CDK14: variants seen among roughly 807,000 people sequenced by gnomAD.
CDK14 encodes the protein cyclin-dependent kinase 14.
CDK14 carries 34 observed loss-of-function variants against 60.7 expected under a neutral mutation model. That is an observed-to-expected ratio of 0.56 (90% CI 0.43 to 0.75). The LOEUF (loss-of-function observed/expected upper bound fraction) is 0.75, where lower values mean the gene tolerates loss of function less well. Ranked by LOEUF, CDK14 falls within the 30% of genes least tolerant of loss-of-function variation. The probability of loss-of-function intolerance (pLI) is 0.00; values close to 1 mark genes in which losing one functional copy is unlikely to be tolerated. For missense variants in CDK14, 482 were observed against 564.1 expected (o/e 0.85, Z 1.47); for synonymous variants, 197 against 203.7 (o/e 0.97, Z 0.28).
intron 14 of CDK14, among the ~76,000 whole-genome samples, chr7:91,142,601 T>C (rs1272070466): frequency 6.6e-6 from 1 of 152,252 alleles, no homozygotes; most frequent in Non-Finnish European, 1.5e-5. Flanking sequence ...ATTGAGCTGC[T>C]GTCTGAGAAC....
chr7:90,715,645 G>T (rs894757079), intron 2 of CDK14, among the ~76,000 whole-genome samples: 1 of 138,028 alleles, frequency 7.2e-6, no homozygotes, highest in Non-Finnish European at 1.5e-5. Flanking sequence ...GTTTTTATTT[G>T]CAGGAATAGA....
chr7:90,811,705 C>T (rs9655991), intron 5 of CDK14, among the ~76,000 whole-genome samples: 124,815 of 150,976 alleles, frequency 0.83, 51,840 homozygotes, highest in East Asian at 0.96. Context: ...AGAAAATTTT[C>T]GCAATCTACT....
intron 14 of CDK14, among the ~76,000 whole-genome samples, chr7:91,171,972 T>A (rs1186839722): frequency 6.6e-6 from 1 of 152,226 alleles, no homozygotes; most frequent in East Asian, 1.9e-4. Context: ...AAATGTGTAC[T>A]GTTATTTTCT....
intron 7 of CDK14, among the ~76,000 whole-genome samples, chr7:90,906,735 G>A (rs566699013): frequency 1.1e-4 from 17 of 152,060 alleles, no homozygotes; most frequent in African/African-American, 3.4e-4. Context: ...CATTACAATG[G>A]TAATGTATCC....
intron 2 of CDK14, among the ~76,000 whole-genome samples, chr7:90,712,279 C>G (rs971792763): frequency 6.6e-6 from 1 of 151,936 alleles, no homozygotes; most frequent in African/African-American, 2.4e-5. Flanking sequence ...CCCTACCCTG[C>G]TCTCATTAAA....
At chr7:91,117,456 C>G (rs994918693) in intron 13 of CDK14, among the ~76,000 whole-genome samples, 3 of 152,010 alleles carry the variant, frequency 2.0e-5, no homozygotes, top group Non-Finnish European at 4.4e-5. Flanking sequence ...TGTGCTTGCT[C>G]TCCCTCTAGA....
intron 12 of CDK14, among the ~76,000 whole-genome samples, chr7:91,101,310 C>G (rs1799141195): frequency 6.6e-6 from 1 of 151,992 alleles, no homozygotes; most frequent in Non-Finnish European, 1.5e-5. Context: ...TAAGCATGAC[C>G]CTTTGATCAT....
At chr7:91,172,768 T>C (rs963902691) in intron 14 of CDK14, among the ~76,000 whole-genome samples, 4 of 152,222 alleles carry the variant, frequency 2.6e-5, no homozygotes, top group Non-Finnish European at 5.9e-5. Flanking sequence ...CTTAGACTTA[T>C]TTCTCTAAGA....
intron 14 of CDK14, among the ~76,000 whole-genome samples, chr7:91,139,782 T>G (rs1220972876): frequency 1.0e-5 from 1 of 100,142 alleles, no homozygotes; most frequent in African/African-American, 3.5e-5. Context: ...TCTTTTTTTC[T>G]TTCCTTTCTT....
intron 10 of CDK14, among the ~76,000 whole-genome samples, chr7:90,992,428 GC>G (rs1795565818): frequency 6.6e-6 from 1 of 152,116 alleles, no homozygotes; most frequent in African/African-American, 2.4e-5. Context: ...CTTACTCTGG[GC>G]TAAATAATCT....
In CDK14 at chr7:90,879,803, C is replaced by T. The variant is rs538669559; in HGVS notation, c.639+16534C>T. On this transcript the variant is annotated intron_variant, in intron 6 of 14. Transcript: ENST00000380050. ...GTAAAAAAAAAAATTGACTAGAAGG[C>T]GGGCATTACCCACCGAGAGAAGGAA... Among the ~76,000 whole-genome samples the T allele has an allele frequency of 1.6e-3, 240 of 147,600 alleles. 3 individuals are homozygous for T. Among genetic ancestry groups the T allele is most frequent in the African/African-American group, 5.7e-3 (225 of 39,720 alleles).
At chr7:91,126,995 G>A (rs934729199) in intron 14 of CDK14, among the ~76,000 whole-genome samples, 7 of 152,082 alleles carry the variant, frequency 4.6e-5, no homozygotes, top group African/African-American at 7.2e-5. Flanking sequence ...AGCAGCATTC[G>A]AAATGGGAAA....
At chr7:90,889,442 G>T (rs1199133110) in intron 6 of CDK14, among the ~76,000 whole-genome samples, 1 of 152,182 alleles carries the variant, frequency 6.6e-6, no homozygotes, top group Non-Finnish European at 1.5e-5. Flanking sequence ...CCAGCCCCAG[G>T]CTGCCCGTAC....
chr7:90,905,801 A>T (rs964888759), intron 7 of CDK14, among the ~76,000 whole-genome samples: 1 of 152,162 alleles, frequency 6.6e-6, no homozygotes, highest in Non-Finnish European at 1.5e-5. Flanking sequence ...CATCATTTTC[A>T]TATTGAAGAT....
At chr7:91,157,990 A>G (rs149768818) in intron 14 of CDK14, among the ~76,000 whole-genome samples, 6 of 151,710 alleles carry the variant, frequency 4.0e-5, no homozygotes, top group East Asian at 3.9e-4. Context: ...TCTCAAAGCC[A>G]TGATGAGTTT....
At chr7:91,120,829 G>A (rs772288309) in intron 14 of CDK14, among the ~76,000 whole-genome samples, 3 of 152,048 alleles carry the variant, frequency 2.0e-5, no homozygotes, top group African/African-American at 7.2e-5. Flanking sequence ...GAGTCACCGC[G>A]CCTGGCCCAA....
intron 11 of CDK14, among the ~76,000 whole-genome samples, chr7:91,078,792 A>G (rs1398528908): frequency 2.0e-5 from 3 of 152,240 alleles, no homozygotes; most frequent in Admixed American, 1.3e-4. Flanking sequence ...GGACATAGCA[A>G]ATCATTAACA....
chr7:91,203,017 A>G (rs1448012252), intron 14 of CDK14, among the ~76,000 whole-genome samples: 2 of 152,350 alleles, frequency 1.3e-5, no homozygotes, highest in East Asian at 3.9e-4. Flanking sequence ...TTAACCCAAC[A>G]GGATAGTGAA....
chr7:90,804,017 T>G (rs1788737741), intron 5 of CDK14, among the ~76,000 whole-genome samples: 1 of 152,202 alleles, frequency 6.6e-6, no homozygotes, highest in South Asian at 2.1e-4. Flanking sequence ...AATGAATGAA[T>G]AAGCTCCCAT....
Sources: allele counts gnomAD v4.1 joint callset (sites outside exome capture counted in the v4.1 genomes callset), GRCh38; gene constraint gnomAD v4.1.1; transcripts MANE v1.5; gene names NCBI Gene and HGNC (gene_info 2026-07-23, HGNC 2026-07-21).